The following PCDH15 variants were observed in gnomAD, a reference collection of about 807,000 sequenced individuals.
PCDH15 encodes the protein protocadherin related 15, also known as protocadherin-15.
A neutral mutation model predicts 178.5 loss-of-function variants in PCDH15; 129 were observed. That is an observed-to-expected ratio of 0.72 (90% CI 0.63 to 0.84). The LOEUF is 0.84. Among genes scored for constraint, PCDH15 ranks in the 40% least tolerant of loss-of-function variants. The probability of loss-of-function intolerance (pLI) is 0.00; values close to 1 mark genes in which losing one functional copy is unlikely to be tolerated. For synonymous variants in PCDH15, 800 were observed against 732.0 expected (o/e 1.09, Z -1.50); for missense variants, 2,230 against 2,099.9 (o/e 1.06, Z -1.21).
At chr10:55,036,113 T>C (rs527410351) in intron 2 of PCDH15, among the ~76,000 whole-genome samples, 61 of 152,274 alleles carry the variant, frequency 4.0e-4, no homozygotes, top group Non-Finnish European at 7.9e-4. Context: ...AATGGATTAA[T>C]GCCCATTATG....
At chr10:54,674,978 C>T (rs1050167160) in intron 1 of PCDH15, among the ~76,000 whole-genome samples, 4 of 152,132 alleles carry the variant, frequency 2.6e-5, no homozygotes, top group African/African-American at 9.6e-5. Flanking sequence ...GAATAATACA[C>T]TAAGAACTTT....
At chr10:54,734,705 A>G (rs1053653648) in intron 1 of PCDH15, among the ~76,000 whole-genome samples, 10 of 152,124 alleles carry the variant, frequency 6.6e-5, no homozygotes, top group African/African-American at 2.4e-4. Flanking sequence ...CATACAACAG[A>G]GTACTATTGA....
chr10:53,979,756 G>T (rs1275550797), intron 21 of PCDH15, among the ~76,000 whole-genome samples: 1 of 152,146 alleles, frequency 6.6e-6, no homozygotes, highest in Non-Finnish European at 1.5e-5. Context: ...CTATTAAACG[G>T]AGGTGCTACA....
At chr10:54,942,332 T>C (rs1838084088) in intron 2 of PCDH15, among the ~76,000 whole-genome samples, 1 of 152,074 alleles carries the variant, frequency 6.6e-6, no homozygotes, top group Non-Finnish European at 1.5e-5. Flanking sequence ...ATTGCTTCTA[T>C]CAGAATTTAG....
chr10:54,323,960 T>C (rs954411697), intron 7 of PCDH15, among the ~76,000 whole-genome samples: 3 of 152,132 alleles, frequency 2.0e-5, no homozygotes, highest in Admixed American at 6.6e-5. Context: ...TAGACAGAAT[T>C]ATATTATCAT....
intron 2 of PCDH15, among the ~76,000 whole-genome samples, chr10:55,528,859 C>A (rs1841376478): frequency 6.6e-6 from 1 of 152,052 alleles, no homozygotes; most frequent in South Asian, 2.1e-4. Context: ...TAAAACTGTT[C>A]CTATTTCTCC....
Position 55,609,015 on chromosome 10 carries a change from T to TAC in PCDH15, c.-156+18608_-156+18609dup, listed in dbSNP as rs1290621408. Among the ~76,000 whole-genome samples the TAC allele has an allele frequency of 7.1e-3, 899 of 126,874 alleles. 6 individuals are homozygous for TAC. Among genetic ancestry groups the TAC allele is most frequent in the Non-Finnish European group, 0.011 (653 of 60,766 alleles). 83.2% of individuals were successfully genotyped at this position (126,874 alleles called of 152,430 possible). On this transcript the variant is annotated intron_variant, in intron 2 of 5. Coordinates refer to the PCDH15 transcript ENST00000613346. ...ACTATACATATATGTTATATATATA[T>TAC]ACACACACACACACACACACACACA...
At chr10:54,967,267 T>C (rs937601208) in intron 2 of PCDH15, among the ~76,000 whole-genome samples, 2 of 152,154 alleles carry the variant, frequency 1.3e-5, no homozygotes, top group Admixed American at 6.6e-5. Context: ...AACATTACAT[T>C]ATGCATAACT....
intron 14 of PCDH15, among the ~76,000 whole-genome samples, chr10:54,137,953 A>G (rs2043039864): frequency 2.0e-5 from 3 of 151,774 alleles, no homozygotes; most frequent in South Asian, 4.2e-4. Flanking sequence ...TTTTCACTGG[A>G]GGTGTTTTGG....
chr10:55,303,224 T>C (rs956642158), intron 1 of PCDH15, among the ~76,000 whole-genome samples: 2 of 152,166 alleles, frequency 1.3e-5, no homozygotes, highest in African/African-American at 4.8e-5. Context: ...CTTCTTCTAA[T>C]CCATTCTGCA....
chr10:55,359,072 C>T (rs1272906765), intron 2 of PCDH15, among the ~76,000 whole-genome samples: 1 of 151,942 alleles, frequency 6.6e-6, no homozygotes. Context: ...GTGGCACATG[C>T]CTGGAGTCCT....
At chr10:55,385,693 CTATATATATATATA>C (rs57143868) in intron 2 of PCDH15, among the ~76,000 whole-genome samples, 2 of 128,766 alleles carry the variant, frequency 1.6e-5, no homozygotes, top group Non-Finnish European at 3.3e-5. Flanking sequence ...CTTCCTCTGC[CTATATATATATATA>C]TATATATATA....
chr10:54,823,523 T>C (rs1037865079), intron 3 of PCDH15, among the ~76,000 whole-genome samples: 5 of 152,190 alleles, frequency 3.3e-5, no homozygotes, highest in African/African-American at 1.2e-4. Flanking sequence ...AGCATTTTTA[T>C]ATATTTTTAT....
intron 19 of PCDH15, among the ~76,000 whole-genome samples, chr10:54,021,403 C>T (rs2092916762): frequency 6.6e-6 from 1 of 152,008 alleles, no homozygotes; most frequent in South Asian, 2.1e-4. Context: ...GCTATTAAAG[C>T]ATACATTTTA....
chr10:53,984,245 G>A (rs1395430154), intron 21 of PCDH15, among the ~76,000 whole-genome samples: 1 of 148,228 alleles, frequency 6.7e-6, no homozygotes, highest in Non-Finnish European at 1.5e-5. Context: ...CGCCTCCTGG[G>A]TTCACACCAT....
At chr10:54,714,570 T>C (rs1215919589) in intron 1 of PCDH15, among the ~76,000 whole-genome samples, 1 of 152,140 alleles carries the variant, frequency 6.6e-6, no homozygotes, top group Non-Finnish European at 1.5e-5. Flanking sequence ...ATCCATTTGA[T>C]TCAATTTTTC....
intron 2 of PCDH15, among the ~76,000 whole-genome samples, chr10:55,521,192 G>C (rs1354538835): frequency 6.6e-6 from 1 of 151,814 alleles, no homozygotes; most frequent in East Asian, 1.9e-4. Context: ...TCTTTACCTG[G>C]CTTCGTTCAC....
In PCDH15 at chr10:54,703,244, G is replaced by A. The variant is rs199805832; in HGVS notation, c.-28-38954C>T. On this transcript the variant is annotated intron_variant, in intron 1 of 37. Transcript: ENST00000644397. ...AACATACCACAAAATAGTAAGAGCC[G>A]TCTATGACAAACCCACCGGAAATAT... Among the ~76,000 whole-genome samples the A allele has an allele frequency of 5.3e-5, 8 of 152,000 alleles. No homozygotes were observed. In the East Asian group the frequency reaches 5.8e-4, roughly 11 times the overall value.
chr10:54,576,247 T>C (rs1014384435), intron 2 of PCDH15, among the ~76,000 whole-genome samples: 1 of 152,226 alleles, frequency 6.6e-6, no homozygotes, highest in African/African-American at 2.4e-5. Flanking sequence ...TGATCCCTTT[T>C]GTACAGTTAT....
Sources: gnomAD v4.1 joint callset for allele counts (sites outside exome capture counted in the v4.1 genomes callset) on GRCh38, gnomAD v4.1.1 for gene constraint, MANE v1.5 for transcripts, NCBI Gene and HGNC (gene_info 2026-07-23, HGNC 2026-07-21) for gene names.